Variants in ZNF570 observed in about 807,000 individuals in gnomAD.
ZNF570 encodes zinc finger protein 570.
In ZNF570, 8 loss-of-function variants were observed where a neutral mutation model predicts 14.2. The ratio of observed to expected loss-of-function variants is 0.56; its 90% confidence interval spans 0.33 to 1.02. The LOEUF (loss-of-function observed/expected upper bound fraction) is 1.02. Among genes scored for constraint, ZNF570 ranks in the 50% least tolerant of loss-of-function variants. ZNF570 has a pLI of 0.03. For missense variants in ZNF570, 559 were observed against 624.9 expected (o/e 0.89, Z 1.12); for synonymous variants, 202 against 207.6 (o/e 0.97, Z 0.23).
intron 4 of ZNF570, among the ~76,000 whole-genome samples, chr19:37,480,278 A>T (rs2042072085): frequency 6.6e-6 from 1 of 151,592 alleles, no homozygotes; most frequent in African/African-American, 2.4e-5. Context: ...GAGGTCAAGA[A>T]ATCGAGACCA....
At position 37,486,679 on chromosome 19, in the gene ZNF570, C is replaced by A. The variant is rs983273771; in HGVS notation, c.*1446C>A. On this transcript the variant is annotated 3_prime_UTR_variant, in exon 5 of 5. Coordinates refer to ENST00000330173, the MANE Select transcript of ZNF570 (RefSeq NM_144694.5). ...AAAATGTTAGAACATAAATGGCAGTCTTTGTACTGTAGCTTAGTAGTTGTT... is the reference window on the plus strand; with the variant it reads ...AAAATGTTAGAACATAAATGGCAGTATTTGTACTGTAGCTTAGTAGTTGTT... 6.6e-6 allele frequency: 1 copy of A among 152,158 alleles called. No individual in the cohort carries two copies. Among genetic ancestry groups the A allele is most frequent in the Non-Finnish European group, 1.5e-5 (1 of 68,036 alleles). The allele number at this position is 152,158 out of a possible 1,614,324, so 9.4% of individuals were successfully genotyped here.
chr19:37,477,703 T>A (rs553740462), intron 4 of ZNF570, among the ~76,000 whole-genome samples: 1 of 152,296 alleles, frequency 6.6e-6, no homozygotes, highest in South Asian at 2.1e-4. Flanking sequence ...TATAGATATC[T>A]GAAAATAGTC....
Position 37,488,000 on chromosome 19 carries a change from G to A in ZNF570, c.*2767G>A, listed in dbSNP as rs902689776. On this transcript the variant is annotated 3_prime_UTR_variant, in exon 5 of 5. Coordinates refer to ENST00000330173, the MANE Select transcript of ZNF570 (RefSeq NM_144694.5). The stretch of plus-strand genomic sequence containing the variant: ...TTACTGGAAAGATGTGGAGCAATAG[G>A]AACACTCATACGGTGCTATAGGAAG... The A allele has an allele frequency of 4.6e-5, 7 of 152,180 alleles. No homozygotes were observed. The highest frequency in any genetic ancestry group is 8.8e-5 in the Non-Finnish European group (6 of 68,034). The allele number at this position is 152,180 out of a possible 1,614,324, so 9.4% of individuals were successfully genotyped here.
At chr19:37,476,052 C>T (rs778380741) in intron 3 of ZNF570, 45 bp downstream of exon 3, 5 of 1,563,636 alleles carry the variant, frequency 3.2e-6, no homozygotes, top group African/African-American at 1.4e-5. Flanking sequence ...TCAAAAGGGG[C>T]TCTTTGCTAC....
At chr19:37,477,544 G>T (rs2042041762) in intron 4 of ZNF570, among the ~76,000 whole-genome samples, 1 of 151,656 alleles carries the variant, frequency 6.6e-6, no homozygotes, top group South Asian at 2.1e-4. Flanking sequence ...GTTTCACCAT[G>T]TTGGCCACGC....
intron 2 of ZNF570, among the ~76,000 whole-genome samples, chr19:37,473,818 C>T (rs1017394546): frequency 1.3e-5 from 2 of 152,064 alleles, no homozygotes; most frequent in Non-Finnish European, 2.9e-5. Context: ...GAGTCAGGTG[C>T]TGAAGAATTT....
intron 2 of ZNF570, among the ~76,000 whole-genome samples, chr19:37,472,742 CAAAAAAAA>C (rs34301870): frequency 1.9e-5 from 2 of 102,894 alleles, no homozygotes; most frequent in South Asian, 6.2e-4. Flanking sequence ...AACTTTGTCT[CAAAAAAAA>C]AAAAAAAAAA....
Position 37,484,592 on chromosome 19 carries a change from C to A in ZNF570, c.970C>A (p.His324Asn). Residue 324 changes from histidine to asparagine, a missense_variant, in exon 5 of 5, where the codon CAC becomes AAC. By Grantham distance (68) the His-to-Asn change is moderately conservative. Transcript: ENST00000330173. ...FAYLAQHQRVHTGEKPYECIE... is the reference protein window; with the variant it reads ...FAYLAQHQRVNTGEKPYECIE... ...CTACCTTGCTCAACATCAGAGAGTTCACACGGGAGAGAAACCCTATGAATG... is the reference window on the plus strand; with the variant it reads ...CTACCTTGCTCAACATCAGAGAGTTAACACGGGAGAGAAACCCTATGAATG... 6.2e-7 allele frequency: 1 copy of A among 1,614,120 alleles called. No individual in the cohort carries two copies.
At chr19:37,473,485 TC>T (rs905967753) in intron 2 of ZNF570, among the ~76,000 whole-genome samples, 3 of 152,082 alleles carry the variant, frequency 2.0e-5, no homozygotes, top group African/African-American at 7.2e-5. Context: ...AGTGGTAAGA[TC>T]AGTGAATTGT....
chr19:37,473,058 A>G (rs1218642239), intron 2 of ZNF570, among the ~76,000 whole-genome samples: 2 of 152,034 alleles, frequency 1.3e-5, no homozygotes, highest in East Asian at 1.9e-4. Flanking sequence ...TTATCTTTCA[A>G]TGGGTTTTGT....
chr19:37,479,419 T>G (rs1341844111), intron 4 of ZNF570, among the ~76,000 whole-genome samples: 7 of 152,118 alleles, frequency 4.6e-5, no homozygotes, highest in Admixed American at 2.6e-4. Context: ...TTAGGGCTAG[T>G]TTTGGTAAAT....
chr19:37,477,607 G>T (rs1196714913), intron 4 of ZNF570, among the ~76,000 whole-genome samples: 2 of 152,100 alleles, frequency 1.3e-5, no homozygotes, highest in East Asian at 1.9e-4. Flanking sequence ...CTTCCAAAGT[G>T]CTGGGATTAC....
upstream of ZNF570, chr19:37,468,151 A>G: frequency 1.7e-6 from 1 of 571,932 alleles, no homozygotes; most frequent in Non-Finnish European, 3.1e-6. Flanking sequence ...CAGCGGCGCG[A>G]TGTTGGCTCA....
chr19:37,481,065 C>T (rs910826085), intron 4 of ZNF570, among the ~76,000 whole-genome samples: 2 of 151,806 alleles, frequency 1.3e-5, no homozygotes, highest in African/African-American at 4.8e-5. Context: ...CTATTCATAT[C>T]AACTTTTATT....
At chr19:37,468,081 T>TTG (rs1555845140), upstream of ZNF570, 102,919 of 696,896 alleles carry the variant, frequency 0.15, 4,883 homozygotes, top group Middle Eastern at 0.25. Flanking sequence ...GTTTTTTTTT[T>TTG]TTTGTTTGTT....
chr19:37,482,163 G>A (rs1317475058), intron 4 of ZNF570, among the ~76,000 whole-genome samples: 1 of 152,166 alleles, frequency 6.6e-6, no homozygotes, highest in East Asian at 1.9e-4. Flanking sequence ...ACATTTTGTG[G>A]TGATTTCATG....
At chr19:37,474,561 G>A (rs1176638040) in intron 2 of ZNF570, among the ~76,000 whole-genome samples, 1 of 152,130 alleles carries the variant, frequency 6.6e-6, no homozygotes, top group Non-Finnish European at 1.5e-5. Context: ...CCGGATTCAA[G>A]CGATTCTCCT....
At chr19:37,471,312 C>G (rs1844565784) in intron 2 of ZNF570, among the ~76,000 whole-genome samples, 1 of 152,214 alleles carries the variant, frequency 6.6e-6, no homozygotes, top group Non-Finnish European at 1.5e-5. Flanking sequence ...CGCACCCGGC[C>G]ACTGCACCCA....
chr19:37,479,799 C>G (rs1316100528), intron 4 of ZNF570, among the ~76,000 whole-genome samples: 1 of 152,114 alleles, frequency 6.6e-6, no homozygotes, highest in Non-Finnish European at 1.5e-5. Context: ...ATTGTTATAG[C>G]TATATTTGCC....
Sources: allele counts gnomAD v4.1 joint callset (sites outside exome capture counted in the v4.1 genomes callset), GRCh38; gene constraint gnomAD v4.1.1; transcripts MANE v1.5; gene names NCBI Gene and HGNC (gene_info 2026-07-23, HGNC 2026-07-21).